The following FIP1L1 variants were observed in gnomAD, a reference collection of about 807,000 sequenced individuals.
The protein encoded by FIP1L1 is factor interacting with PAPOLA and CPSF1.
FIP1L1 carries 21 observed loss-of-function variants against 84.6 expected under a neutral mutation model. The ratio of observed to expected loss-of-function variants is 0.25; its 90% CI spans 0.18 to 0.36. The LOEUF (loss-of-function observed/expected upper bound fraction) is 0.36. Among genes scored for constraint, FIP1L1 ranks in the 10% least tolerant of loss-of-function variants. The pLI is 1.00. For synonymous variants in FIP1L1, 263 were observed against 242.3 expected (o/e 1.09, Z -0.80); for missense variants, 526 against 751.1 (o/e 0.70, Z 3.50).
rs115931379 is a variant in FIP1L1 at position 53,460,757 on chromosome 4, G to A, written c.*1308G>A. On this transcript the variant is annotated 3_prime_UTR_variant, in exon 18 of 18. Coordinates refer to ENST00000337488, the MANE Select transcript of FIP1L1 (RefSeq NM_030917.4). ...TTTTTGGAATCATATTTTCTGAGGT[G>A]TAACTGGCTTTCATTAGATGATCAT... 2.6e-6 allele frequency: 2 copies of A among 766,792 alleles called. No homozygotes were observed. The highest frequency in any genetic ancestry group is 1.9e-5 in the African/African-American group (1 of 53,822). The allele number at this position is 766,792 out of a possible 1,614,324, so 47.5% of individuals were successfully genotyped here. A position where few individuals can be genotyped will look rare whatever the true frequency, so the allele number is the denominator to read the frequency against.
At chr4:53,427,156 C>T (rs997115568) in intron 12 of FIP1L1, among the ~76,000 whole-genome samples, 5 of 152,062 alleles carry the variant, frequency 3.3e-5, no homozygotes, top group African/African-American at 1.2e-4. Flanking sequence ...AGCATAAGCC[C>T]TACAAAAAAC....
intron 4 of FIP1L1, among the ~76,000 whole-genome samples, chr4:53,383,259 A>G (rs1309368096): frequency 1.3e-5 from 2 of 152,210 alleles, no homozygotes; most frequent in Non-Finnish European, 2.9e-5. Flanking sequence ...AAAAGATTTC[A>G]TTTCTTTATT....
chr4:53,391,680 T>A (rs978331634), intron 9 of FIP1L1, among the ~76,000 whole-genome samples, 182 bp downstream of exon 9: 9 of 152,228 alleles, frequency 5.9e-5, no homozygotes, highest in African/African-American at 1.2e-4. Context: ...AGCATGTGAA[T>A]TTATAGCCTA....
chr4:53,400,331 C>A lies in FIP1L1; in HGVS notation c.815+492C>A, dbSNP rs1578324020. Among the ~76,000 whole-genome samples the A allele has an allele frequency of 2.0e-5, 3 of 152,150 alleles. No homozygotes were observed. In the South Asian group the frequency reaches 6.2e-4, roughly 32 times the overall value. ...TTATATGATAATACCTCATATGTTC[C>A]CGAAGGTATCAGATGTAAGAGGCAA... On this transcript the variant is annotated intron_variant, in intron 10 of 17. Coordinates refer to ENST00000337488, the MANE Select transcript of FIP1L1 (RefSeq NM_030917.4).
chr4:53,438,055 T>C (rs1355150011), intron 13 of FIP1L1, among the ~76,000 whole-genome samples: 3 of 152,120 alleles, frequency 2.0e-5, no homozygotes, highest in Non-Finnish European at 4.4e-5. Flanking sequence ...ACTAATCTGT[T>C]CAGTCTGTTA....
At chr4:53,441,745 G>A (rs1772031082) in intron 13 of FIP1L1, among the ~76,000 whole-genome samples, 5 of 151,920 alleles carry the variant, frequency 3.3e-5, no homozygotes, top group Admixed American at 2.6e-4. Context: ...TAACTAGAAG[G>A]TGATAGACAG....
intron 13 of FIP1L1, among the ~76,000 whole-genome samples, chr4:53,440,048 C>G (rs1051098607): frequency 1.3e-5 from 2 of 151,962 alleles, no homozygotes; most frequent in African/African-American, 4.8e-5. Context: ...CCCTTTCTCT[C>G]CTACAAATCA....
At chr4:53,431,151 G>A (rs989016257) in intron 13 of FIP1L1, among the ~76,000 whole-genome samples, 2 of 152,066 alleles carry the variant, frequency 1.3e-5, no homozygotes, top group Admixed American at 6.5e-5. Context: ...GATGATTTTC[G>A]GATTTATACC....
rs1242440502 is a variant in FIP1L1, at chr4:53,417,662, A to AG, written c.923+2940_923+2941insG. On this transcript the variant is annotated intron_variant, in intron 11 of 17. Coordinates refer to ENST00000337488, the MANE Select transcript of FIP1L1 (RefSeq NM_030917.4). ...CTTCTCAAAAAAAAAAAAAAAAAAA[A>AG]AAAAGAAAAGAAAATTCCACAACAG... Among the ~76,000 whole-genome samples the AG allele has an allele frequency of 1.6e-3, 226 of 142,886 alleles. 7 individuals are homozygous for AG. The highest frequency in any genetic ancestry group is 5.2e-3 in the African/African-American group (184 of 35,692). The allele number at this position is 142,886 out of a possible 152,430, so 93.7% of individuals were successfully genotyped here.
intron 15 of FIP1L1, among the ~76,000 whole-genome samples, chr4:53,449,601 C>T (rs1775577369): frequency 6.6e-6 from 1 of 151,982 alleles, no homozygotes; most frequent in African/African-American, 2.4e-5. Flanking sequence ...ACTGCCCTTA[C>T]CTGATTTTGA....
chr4:53,396,428 G>A (rs1268073692), intron 9 of FIP1L1, among the ~76,000 whole-genome samples: 1 of 151,890 alleles, frequency 6.6e-6, no homozygotes, highest in Non-Finnish European at 1.5e-5. Flanking sequence ...CCAAGATGGA[G>A]TCTTGCTCTG....
intron 12 of FIP1L1, 138 bp from the exon 13 acceptor site, chr4:53,427,889 T>TA: frequency 1.5e-6 from 1 of 673,796 alleles, no homozygotes; most frequent in East Asian, 2.8e-5. Flanking sequence ...GTAGAACTAT[T>TA]ACTCTCCCCC....
intron 9 of FIP1L1, among the ~76,000 whole-genome samples, chr4:53,398,351 G>T (rs1050582251): frequency 5.9e-5 from 9 of 152,158 alleles, no homozygotes; most frequent in Non-Finnish European, 1.3e-4. Context: ...CTAAATGTAA[G>T]ATCCTCATTA....
rs1739375165 is a variant in FIP1L1 at position 53,383,762 on chromosome 4, T to C, written c.229-11T>C. ...CTGAATGTATTTTATAATTTGTTTA[T>C]GTTCATGTAGAAAGTGACTGAGACC... On this transcript the variant is annotated splice_polypyrimidine_tract_variant and intron_variant, in intron 4 of 17. Coordinates refer to ENST00000337488, the MANE Select transcript of FIP1L1 (RefSeq NM_030917.4). 1.3e-6 allele frequency: 2 copies of C among 1,596,694 alleles called. No homozygotes were observed. Among genetic ancestry groups the C allele is most frequent in the Non-Finnish European group, 1.7e-6 (2 of 1,168,754 alleles).
intron 11 of FIP1L1, among the ~76,000 whole-genome samples, chr4:53,423,768 G>A (rs1763298502): frequency 6.6e-6 from 1 of 152,092 alleles, no homozygotes; most frequent in South Asian, 2.1e-4. Context: ...TGATTTCTCA[G>A]TTATATGTTT....
At chr4:53,399,180 A>G (rs1266954817) in intron 9 of FIP1L1, among the ~76,000 whole-genome samples, 3 of 152,194 alleles carry the variant, frequency 2.0e-5, no homozygotes, top group Admixed American at 6.5e-5. Context: ...TCAAGCTTTT[A>G]AGCCTACTGA....
intron 16 of FIP1L1, among the ~76,000 whole-genome samples, chr4:53,454,998 GTT>G (rs1435240611): frequency 2.0e-5 from 3 of 152,168 alleles, no homozygotes; most frequent in African/African-American, 7.2e-5. Flanking sequence ...GTACTTTTAT[GTT>G]ATATAGATAG....
At chr4:53,457,061 GA>G (rs1283586796) in intron 16 of FIP1L1, among the ~76,000 whole-genome samples, 2 of 152,076 alleles carry the variant, frequency 1.3e-5, no homozygotes, top group East Asian at 3.9e-4. Context: ...TTCTGCTTCT[GA>G]AAAAATTAAG....
chr4:53,380,691 A>G (rs953789290), intron 3 of FIP1L1, among the ~76,000 whole-genome samples: 1 of 152,180 alleles, frequency 6.6e-6, no homozygotes, highest in African/African-American at 2.4e-5. Context: ...ACTCATTGGT[A>G]TATTATCTGA....
Sources: allele counts gnomAD v4.1 joint callset (sites outside exome capture counted in the v4.1 genomes callset), GRCh38; gene constraint gnomAD v4.1.1; transcripts MANE v1.5; gene names NCBI Gene and HGNC (gene_info 2026-07-23, HGNC 2026-07-21).